The following SHISA6 variants were observed in gnomAD, a reference collection of about 807,000 sequenced individuals.
SHISA6 encodes shisa family member 6, also known as protein shisa-6.
Under a neutral mutation model 47.9 loss-of-function variants are expected in SHISA6, and 22 were observed. The observed-to-expected ratio is 0.46, with a 90% CI of 0.33 to 0.66. The LOEUF is 0.66. Ranked by LOEUF, SHISA6 falls within the 30% of genes least tolerant of loss-of-function variation. The pLI is 0.02. For missense variants in SHISA6, 680 were observed against 764.6 expected (o/e 0.89, Z 1.30); for synonymous variants, 388 against 337.8 (o/e 1.15, Z -1.63).
chr17:11,311,683 C>T (rs1299744260), intron 2 of SHISA6, among the ~76,000 whole-genome samples: 1 of 152,144 alleles, frequency 6.6e-6, no homozygotes, highest in Non-Finnish European at 1.5e-5. Context: ...CATATAACTA[C>T]TCTGATGAGT....
intron 2 of SHISA6, among the ~76,000 whole-genome samples, chr17:11,360,235 A>C (rs181428111): frequency 6.6e-6 from 1 of 152,172 alleles, no homozygotes; most frequent in Non-Finnish European, 1.5e-5. Context: ...CAAATGCCGC[A>C]TGTTCTCACT....
chr17:11,267,511 T>G (rs944487382), intron 2 of SHISA6, among the ~76,000 whole-genome samples: 3 of 152,232 alleles, frequency 2.0e-5, no homozygotes, highest in Non-Finnish European at 4.4e-5. Flanking sequence ...CCAAAGATTC[T>G]AATTTACTTG....
intron 1 of SHISA6, among the ~76,000 whole-genome samples, chr17:11,251,678 C>T (rs1263474864): frequency 6.6e-6 from 1 of 152,184 alleles, no homozygotes; most frequent in African/African-American, 2.4e-5. Flanking sequence ...AGCACTTTAG[C>T]CAGCTTGCTT....
At chr17:11,396,527 T>A (rs1913577189) in intron 3 of SHISA6, among the ~76,000 whole-genome samples, 1 of 152,232 alleles carries the variant, frequency 6.6e-6, no homozygotes, top group African/African-American at 2.4e-5. Context: ...CTGGGTCAAA[T>A]GGAATTTCTG....
intron 1 of SHISA6, among the ~76,000 whole-genome samples, chr17:11,262,779 A>G (rs1908280897): frequency 6.6e-6 from 1 of 152,128 alleles, no homozygotes; most frequent in Non-Finnish European, 1.5e-5. Context: ...TCCCTCCTCT[A>G]AACTCCAGTT....
At chr17:11,300,646 G>A (rs1051252901) in intron 2 of SHISA6, among the ~76,000 whole-genome samples, 1 of 150,702 alleles carries the variant, frequency 6.6e-6, no homozygotes, top group Non-Finnish European at 1.5e-5. Flanking sequence ...CTTTTTGCCA[G>A]TTTAGGACTT....
intron 3 of SHISA6, among the ~76,000 whole-genome samples, chr17:11,495,103 C>A (rs962285744): frequency 1.3e-5 from 2 of 152,128 alleles, no homozygotes; most frequent in African/African-American, 4.8e-5. Context: ...GATCATCCTG[C>A]CCCAGTAGAT....
rs778331945 is a variant in SHISA6 at position 11,350,182 on chromosome 17, A to ATTTT, written c.800-29220_800-29217dup. 5.6e-3 allele frequency among the ~76,000 whole-genome samples: 647 copies of ATTTT among 116,248 alleles called. 3 individuals carry two copies. The highest frequency in any genetic ancestry group is 0.012 in the South Asian group (41 of 3,398). The allele number at this position is 116,248 out of a possible 152,430, so 76.3% of individuals were successfully genotyped here. A position where few individuals can be genotyped will look rare whatever the true frequency, so the allele number is the denominator to read the frequency against. ...AATTTATTTATTTATTTATTTATTT[A>ATTTT]TTTTTTTTTTTTTTTGAGACGGAGT... On this transcript the variant is annotated intron_variant, in intron 2 of 5. Coordinates refer to ENST00000441885, the MANE Select transcript of SHISA6 (RefSeq NM_207386.4).
rs1195361629 is a variant in SHISA6, at chr17:11,281,141, A to G, written c.799+17615A>G. On this transcript the variant is annotated intron_variant, in intron 2 of 5. Transcript: ENST00000441885. ...AGTTTTACTTCTTCCCTTATTATTT[A>G]GATGCCTTTTTTTCTTTTTCTTGCC... Among the ~76,000 whole-genome samples the G allele has an allele frequency of 2.0e-5, 3 of 152,130 alleles. No individual in the cohort carries two copies. The East Asian group carries it at 5.8e-4, about 29-fold the overall frequency.
chr17:11,295,321 T>C (rs1909710992), intron 2 of SHISA6, among the ~76,000 whole-genome samples: 1 of 152,196 alleles, frequency 6.6e-6, no homozygotes, highest in East Asian at 1.9e-4. Flanking sequence ...TACTAATGTT[T>C]ATTGAGCACC....
intron 3 of SHISA6, among the ~76,000 whole-genome samples, chr17:11,433,908 G>A (rs1914862527): frequency 6.6e-6 from 1 of 152,094 alleles, no homozygotes; most frequent in South Asian, 2.1e-4. Context: ...GGAAAAATAG[G>A]TAATTTCCCA....
At chr17:11,481,919 C>A (rs1916234033) in intron 3 of SHISA6, among the ~76,000 whole-genome samples, 1 of 151,792 alleles carries the variant, frequency 6.6e-6, no homozygotes, top group Non-Finnish European at 1.5e-5. Flanking sequence ...ATAAAAAATG[C>A]CATAAAAAAA....
At chr17:11,303,815 C>T (rs1017040988) in intron 2 of SHISA6, among the ~76,000 whole-genome samples, 2 of 152,144 alleles carry the variant, frequency 1.3e-5, no homozygotes, top group African/African-American at 2.4e-5. Context: ...GAGGAGTGTG[C>T]TGAGTTGGGG....
intron 3 of SHISA6, among the ~76,000 whole-genome samples, chr17:11,410,405 A>G (rs1914082320): frequency 6.6e-6 from 1 of 152,320 alleles, no homozygotes; most frequent in South Asian, 2.1e-4. Context: ...CTGGGTGCAG[A>G]TGAGGAAAAG....
At chr17:11,366,660 G>A (rs1370376063) in intron 2 of SHISA6, among the ~76,000 whole-genome samples, 1 of 152,202 alleles carries the variant, frequency 6.6e-6, no homozygotes, top group African/African-American at 2.4e-5. Flanking sequence ...TGGCAGGACA[G>A]ATGGAGAAGA....
At chr17:11,265,250 A>G (rs955193904) in intron 2 of SHISA6, among the ~76,000 whole-genome samples, 14 of 152,234 alleles carry the variant, frequency 9.2e-5, no homozygotes, top group Admixed American at 2.0e-4. Flanking sequence ...TCTAGTGGTC[A>G]GAATCACTGG....
At chr17:11,345,348 T>C (rs1911666718) in intron 2 of SHISA6, among the ~76,000 whole-genome samples, 1 of 152,152 alleles carries the variant, frequency 6.6e-6, no homozygotes, top group African/African-American at 2.4e-5. Flanking sequence ...ATTCTACTTT[T>C]AGATCTGTCT....
At chr17:11,525,962 T>A (rs1235526057) in intron 3 of SHISA6, among the ~76,000 whole-genome samples, 1 of 151,254 alleles carries the variant, frequency 6.6e-6, no homozygotes, top group African/African-American at 2.4e-5. Context: ...TAAGCTGAGA[T>A]CATGTCACTG....
chr17:11,299,633 C>A (rs183629905), intron 2 of SHISA6, among the ~76,000 whole-genome samples: 1 of 152,202 alleles, frequency 6.6e-6, no homozygotes, highest in East Asian at 1.9e-4. Context: ...CTTCTAGAGG[C>A]CATATGCATT....
Sources: gnomAD v4.1 joint callset for allele counts (sites outside exome capture counted in the v4.1 genomes callset) on GRCh38, gnomAD v4.1.1 for gene constraint, MANE v1.5 for transcripts, NCBI Gene and HGNC (gene_info 2026-07-23, HGNC 2026-07-21) for gene names.